Variants in MSRB3 observed in about 807,000 individuals in gnomAD.
The protein encoded by MSRB3 is methionine-R-sulfoxide reductase B3.
In MSRB3, 13 loss-of-function variants were observed where a neutral mutation model predicts 21.0. The observed-to-expected ratio is 0.62, with a 90% CI of 0.40 to 0.98. MSRB3 has a LOEUF of 0.98. MSRB3 is among the 50% of genes least tolerant of loss of function. The pLI is 0.00. For synonymous variants in MSRB3, 87 were observed against 88.6 expected (o/e 0.98, Z 0.10); for missense variants, 199 against 230.3 (o/e 0.86, Z 0.88).
At chr12:65,419,228 C>T (rs1377965183) in intron 5 of MSRB3, 2 of 720,642 alleles carry the variant, frequency 2.8e-6, no homozygotes, top group African/African-American at 3.4e-5. Context: ...TCCAGCCCTT[C>T]TCAGTTCTTC....
chr12:65,326,396 TCTA>T (rs1205487920), intron 2 of MSRB3, among the ~76,000 whole-genome samples: 2 of 152,320 alleles, frequency 1.3e-5, no homozygotes, highest in African/African-American at 4.8e-5. Context: ...TTCAGGCTAT[TCTA>T]CTAAGTTGCA....
intron 5 of MSRB3, among the ~76,000 whole-genome samples, chr12:65,387,219 A>C (rs1404276272): frequency 6.6e-6 from 1 of 152,074 alleles, no homozygotes; most frequent in Non-Finnish European, 1.5e-5. Flanking sequence ...CAATGCAAAT[A>C]ATGGCTAAAG....
chr12:65,372,712 T>C (rs2136541082), intron 5 of MSRB3, among the ~76,000 whole-genome samples: 1 of 152,282 alleles, frequency 6.6e-6, no homozygotes, highest in South Asian at 2.1e-4. Flanking sequence ...AAGCCATATA[T>C]CAAATTTCAG....
chr12:65,405,255 T>G (rs1264447508), intron 5 of MSRB3, among the ~76,000 whole-genome samples: 5 of 152,108 alleles, frequency 3.3e-5, no homozygotes, highest in Non-Finnish European at 4.4e-5. Context: ...CCTGGCTTAC[T>G]TAACTTCTAT....
At chr12:65,320,142 T>C (rs1874567459) in intron 2 of MSRB3, among the ~76,000 whole-genome samples, 1 of 152,204 alleles carries the variant, frequency 6.6e-6, no homozygotes, top group African/African-American at 2.4e-5. Context: ...AATTGTCTTA[T>C]GTGAAGTAAA....
intron 1 of MSRB3, among the ~76,000 whole-genome samples, chr12:65,293,604 T>G (rs1177977863): frequency 1.3e-5 from 2 of 152,216 alleles, no homozygotes; most frequent in East Asian, 3.8e-4. Context: ...TGTTACTTCC[T>G]CCAGGAAGGC....
intron 5 of MSRB3, among the ~76,000 whole-genome samples, chr12:65,376,541 A>G (rs1218280983): frequency 6.6e-6 from 1 of 152,176 alleles, no homozygotes; most frequent in Non-Finnish European, 1.5e-5. Flanking sequence ...ACTGCAAAGC[A>G]ATGCTCATAG....
chr12:65,448,777 A>G (rs1252854922), intron 5 of MSRB3, among the ~76,000 whole-genome samples: 2 of 152,216 alleles, frequency 1.3e-5, no homozygotes, highest in Non-Finnish European at 2.9e-5. Context: ...TAATCAAGAG[A>G]CAGCAGCATA....
intron 1 of MSRB3, among the ~76,000 whole-genome samples, chr12:65,305,876 A>G (rs1873623450): frequency 6.6e-6 from 1 of 152,220 alleles, no homozygotes; most frequent in African/African-American, 2.4e-5. Context: ...GTGGATATAA[A>G]TGTACTGTTA....
In MSRB3 at chr12:65,279,702, ATCT is replaced by A. The variant is rs554393980; in HGVS notation, c.-52+842_-52+844del. Among the ~76,000 whole-genome samples the A allele has an allele frequency of 1.8e-4, 28 of 152,290 alleles. No individual in the cohort carries two copies. The South Asian group carries it at 5.2e-3, about 28-fold the overall frequency. The stretch of plus-strand genomic sequence containing the variant: ...CGTTACAGTAAGACTTTATAAGATA[ATCT>A]TCTTGAATCATGTGGGAACTGTTGG... On this transcript the variant is annotated intron_variant, in intron 1 of 6. Coordinates refer to ENST00000308259, the MANE Select transcript of MSRB3 (RefSeq NM_001031679.3).
intron 3 of MSRB3, 142 bp downstream of exon 3, chr12:65,327,076 A>G (rs1458465188): frequency 2.9e-6 from 2 of 691,474 alleles, no homozygotes; most frequent in Non-Finnish European, 5.1e-6. Context: ...TGAAAAGGTT[A>G]AAATGGTGTT....
At chr12:65,417,162 A>G (rs1319545670) in intron 5 of MSRB3, among the ~76,000 whole-genome samples, 4 of 152,146 alleles carry the variant, frequency 2.6e-5, no homozygotes, top group African/African-American at 9.7e-5. Flanking sequence ...TTTATTATGA[A>G]TTGTAATCAG....
chr12:65,460,512 C>G (rs1002842024), intron 6 of MSRB3, among the ~76,000 whole-genome samples: 1 of 152,156 alleles, frequency 6.6e-6, no homozygotes, highest in Non-Finnish European at 1.5e-5. Flanking sequence ...GCCACAGATA[C>G]AGATGAACAC....
intron 4 of MSRB3, among the ~76,000 whole-genome samples, chr12:65,333,761 T>C (rs1875578895): frequency 6.6e-6 from 1 of 152,228 alleles, no homozygotes; most frequent in South Asian, 2.1e-4. Context: ...AATTTCTACT[T>C]TGTTTTATAA....
chr12:65,320,381 A>G (rs1424466412), intron 2 of MSRB3, among the ~76,000 whole-genome samples: 2 of 152,214 alleles, frequency 1.3e-5, no homozygotes, highest in Admixed American at 1.3e-4. Context: ...AAAATAGAAC[A>G]GGTACTAATT....
chr12:65,459,391 T>C (rs1330782779), intron 6 of MSRB3, among the ~76,000 whole-genome samples: 1 of 152,192 alleles, frequency 6.6e-6, no homozygotes, highest in South Asian at 2.1e-4. Flanking sequence ...ACACATGTGT[T>C]ACAATAGGGC....
At chr12:65,374,836 T>A (rs1007732164) in intron 5 of MSRB3, among the ~76,000 whole-genome samples, 1 of 152,126 alleles carries the variant, frequency 6.6e-6, no homozygotes, top group Non-Finnish European at 1.5e-5. Flanking sequence ...CAGGCAACCT[T>A]CTCTATAGCA....
chr12:65,337,190 C>T (rs1354658236), intron 4 of MSRB3, among the ~76,000 whole-genome samples: 6 of 151,846 alleles, frequency 4.0e-5, no homozygotes, highest in East Asian at 3.9e-4. Flanking sequence ...TTGCAGTGAG[C>T]GGAGATCGCG....
chr12:65,448,967 G>A (rs1417199644), intron 5 of MSRB3, among the ~76,000 whole-genome samples: 1 of 152,092 alleles, frequency 6.6e-6, no homozygotes, highest in African/African-American at 2.4e-5. Flanking sequence ...GTCTTTGAAG[G>A]GGATTAAAGA....
Sources: allele counts gnomAD v4.1 joint callset (sites outside exome capture counted in the v4.1 genomes callset), GRCh38; gene constraint gnomAD v4.1.1; transcripts MANE v1.5; gene names NCBI Gene and HGNC (gene_info 2026-07-23, HGNC 2026-07-21).